Variants in MAPKAP1 observed in about 807,000 individuals in gnomAD.
MAPKAP1 encodes the protein MAPK associated protein 1.
MAPKAP1 carries 20 observed loss-of-function variants against 65.7 expected under a neutral mutation model. The ratio of observed to expected loss-of-function variants is 0.30; its 90% CI spans 0.21 to 0.44. MAPKAP1 has a LOEUF of 0.44. MAPKAP1 is among the 20% of genes least tolerant of loss of function. The probability of loss-of-function intolerance (pLI) is 1.00; values close to 1 mark genes in which losing one functional copy is unlikely to be tolerated. For synonymous variants in MAPKAP1, 222 were observed against 244.3 expected, an observed-to-expected ratio of 0.91 and a Z score of 0.85; for missense variants, 423 against 648.0, an observed-to-expected ratio of 0.65 and a Z score of 3.77.
rs1202489182 is a variant in MAPKAP1, at chr9:125,595,960, G to C, written c.499-10233C>G. 7 of 1,477,314 alleles carry C rather than the reference G, an allele frequency of 4.7e-6. No individual in the cohort carries two copies. The African/African-American group carries it at 5.5e-5, about 12-fold the overall frequency. The allele number at this position is 1,477,314 out of a possible 1,614,324, so 91.5% of individuals were successfully genotyped here. On this transcript the variant is annotated intron_variant, in intron 4 of 11. Coordinates refer to ENST00000265960, the MANE Select transcript of MAPKAP1 (RefSeq NM_001006617.3). The surrounding 1 kb of genome is among the most constrained non-coding windows in gnomAD (Gnocchi z 4.0). The stretch of plus-strand genomic sequence containing the variant: ...TCAAGAGAAGATTCTCAAAGACCAG[G>C]TGCCCACTTAACTGTGAAAAAGATA...
rs553639407 is a variant in MAPKAP1, at chr9:125,652,321, C to T, written c.498+5330G>A. 13 of 1,073,404 alleles carry T rather than the reference C, an allele frequency of 1.2e-5. No individual in the cohort carries two copies. In the South Asian group the frequency reaches 3.1e-4, roughly 25 times the overall value. 66.5% of individuals were successfully genotyped at this position (1,073,404 alleles called of 1,614,324 possible). ...TATCATCCCAAAATGCTGCTAAAAGCTATTAACCAGTATGTGTTAATTGCC... is the reference window on the plus strand; with the variant it reads ...TATCATCCCAAAATGCTGCTAAAAGTTATTAACCAGTATGTGTTAATTGCC... On this transcript the variant is annotated intron_variant, in intron 4 of 11. Transcript: ENST00000265960.
chr9:125,640,625 T>C (rs986246366), intron 4 of MAPKAP1, among the ~76,000 whole-genome samples: 9 of 152,348 alleles, frequency 5.9e-5, no homozygotes, highest in East Asian at 3.9e-4. Flanking sequence ...CATAATACTA[T>C]GTAATTCTAA....
chr9:125,559,960 T>C, intron 5 of MAPKAP1, 151 bp from the exon 6 acceptor site: 1 of 701,992 alleles, frequency 1.4e-6, no homozygotes, highest in Admixed American at 3.0e-5. Context: ...TCCTACTTCA[T>C]TTGATAGAGA....
chr9:125,442,567 C>T (rs1489729035), intron 11 of MAPKAP1, among the ~76,000 whole-genome samples: 4 of 149,914 alleles, frequency 2.7e-5, no homozygotes, highest in African/African-American at 4.9e-5. Flanking sequence ...CAGCCCCTAT[C>T]GGGGTAATGG....
At chr9:125,472,258 C>T (rs915807122) in intron 9 of MAPKAP1, among the ~76,000 whole-genome samples, 2 of 152,210 alleles carry the variant, frequency 1.3e-5, no homozygotes, top group African/African-American at 4.8e-5. Flanking sequence ...ACTGTTCAAA[C>T]CCAGAGCTGC....
chr9:125,579,447 A>AC (rs1163917696), intron 5 of MAPKAP1, among the ~76,000 whole-genome samples: 4 of 151,946 alleles, frequency 2.6e-5, no homozygotes, highest in African/African-American at 9.7e-5. Context: ...GCCTGCCACC[A>AC]CCCCCGGCTA....
At chr9:125,663,135 C>A (rs1834236823) in intron 3 of MAPKAP1, among the ~76,000 whole-genome samples, 1 of 152,178 alleles carries the variant, frequency 6.6e-6, no homozygotes, top group Admixed American at 6.5e-5. Context: ...CTGATCAAAT[C>A]ACCTCAGAGA....
intron 1 of MAPKAP1, among the ~76,000 whole-genome samples, chr9:125,674,442 T>C (rs1246785967): frequency 6.6e-6 from 1 of 152,168 alleles, no homozygotes; most frequent in Non-Finnish European, 1.5e-5. Flanking sequence ...CCTGCAAAAT[T>C]GTTGAGAAGT....
intron 5 of MAPKAP1, among the ~76,000 whole-genome samples, chr9:125,579,914 T>A (rs1831565403): frequency 6.6e-6 from 1 of 152,132 alleles, no homozygotes; most frequent in Non-Finnish European, 1.5e-5. Flanking sequence ...CTCAATATAA[T>A]CATGTAATTC....
At chr9:125,625,243 A>ATCAAT (rs71374282) in intron 4 of MAPKAP1, among the ~76,000 whole-genome samples, 1 of 101,120 alleles carries the variant, frequency 9.9e-6, no homozygotes, top group Non-Finnish European at 1.9e-5. Context: ...CAATAAAAAA[A>ATCAAT]AAATAAATAA....
At chr9:125,505,282 G>A (rs139484822) in intron 8 of MAPKAP1, among the ~76,000 whole-genome samples, 1,758 of 152,156 alleles carry the variant, frequency 0.012, 17 homozygotes, top group South Asian at 0.04. Context: ...AAAATTAGCC[G>A]GACATGGCAG....
Position 125,455,268 on chromosome 9 carries a change from A to G in MAPKAP1, c.1346-10670T>C, listed in dbSNP as rs148624651. On this transcript the variant is annotated intron_variant, in intron 10 of 11. Coordinates refer to ENST00000265960, the MANE Select transcript of MAPKAP1 (RefSeq NM_001006617.3). ...CATAACCCTAAAAAGTCGTCCAACA[A>G]TGTTAGAATTATATAATAAGTGTAG... Among the ~76,000 whole-genome samples the G allele has an allele frequency of 1.5e-3, 231 of 152,296 alleles. 1 individual carries two copies. The highest frequency in any genetic ancestry group is 2.9e-3 in the South Asian group (14 of 4,816).
chr9:125,535,762 T>C (rs189940348), intron 7 of MAPKAP1, among the ~76,000 whole-genome samples: 45 of 152,358 alleles, frequency 3.0e-4, no homozygotes, highest in African/African-American at 1.0e-3. Context: ...TGTAGAATTA[T>C]TTCCTGAGAA....
intron 5 of MAPKAP1, among the ~76,000 whole-genome samples, chr9:125,566,592 GAAAAAGA>G (rs1266560581): frequency 1.5e-5 from 2 of 137,870 alleles, no homozygotes; most frequent in Admixed American, 1.4e-4. Flanking sequence ...AAAAGAAAAA[GAAAAAGA>G]AAAAAGACTT....
intron 4 of MAPKAP1, among the ~76,000 whole-genome samples, chr9:125,626,342 A>T (rs917035433): frequency 6.6e-6 from 1 of 152,228 alleles, no homozygotes; most frequent in Non-Finnish European, 1.5e-5. Flanking sequence ...TTCTGGAAAC[A>T]GGTCTGGGGG....
chr9:125,473,399 C>G (rs961262856), intron 9 of MAPKAP1, among the ~76,000 whole-genome samples: 1 of 152,186 alleles, frequency 6.6e-6, no homozygotes, highest in Non-Finnish European at 1.5e-5. Context: ...CCACTTCTGA[C>G]AGCTTCCAGA....
At chr9:125,669,378 G>T (rs969100596) in intron 3 of MAPKAP1, among the ~76,000 whole-genome samples, 1 of 152,042 alleles carries the variant, frequency 6.6e-6, no homozygotes, top group Admixed American at 6.6e-5. Context: ...TACTGAGGAC[G>T]TTGAGGCAGG....
chr9:125,693,834 T>TACACACACAC lies in MAPKAP1; in HGVS notation c.-70+13136_-70+13137insGTGTGTGTGT, dbSNP rs1430763244. On this transcript the variant is annotated intron_variant, in intron 1 of 11. Transcript: ENST00000265960. ...ACACACATATACACACACACACATATATATACACACATACACACACACACA... is the reference window on the plus strand; with the variant it reads ...ACACACATATACACACACACACATATACACACACACATATACACACATACACACACACACA... 2.1e-3 allele frequency among the ~76,000 whole-genome samples: 183 copies of TACACACACAC among 87,830 alleles called. 1 individual carries two copies. Among genetic ancestry groups the TACACACACAC allele is most frequent in the African/African-American group, 5.8e-3 (127 of 21,980 alleles). 57.6% of individuals were successfully genotyped at this position (87,830 alleles called of 152,430 possible).
chr9:125,582,361 T>C (rs1470511967), intron 5 of MAPKAP1, among the ~76,000 whole-genome samples: 1 of 152,210 alleles, frequency 6.6e-6, no homozygotes, highest in Non-Finnish European at 1.5e-5. Flanking sequence ...CAAATTCATC[T>C]CCTGATTATT....
Sources: gnomAD v4.1 joint callset for allele counts (sites outside exome capture counted in the v4.1 genomes callset) on GRCh38, gnomAD v4.1.1 for gene constraint, Gnocchi (gnomAD v3.1) non-coding constraint, MANE v1.5 for transcripts, NCBI Gene and HGNC (gene_info 2026-07-23, HGNC 2026-07-21) for gene names.